Variants in ZNF804A observed in about 807,000 individuals in gnomAD.
The protein encoded by ZNF804A is zinc finger protein 804A.
Under a neutral mutation model 16.5 loss-of-function variants are expected in ZNF804A, and 2 were observed. The ratio of observed to expected loss-of-function variants is 0.12; its 90% CI spans 0.05 to 0.38. ZNF804A has a LOEUF of 0.38. ZNF804A is among the 10% of genes least tolerant of loss of function. The pLI, the probability that ZNF804A is intolerant of heterozygous loss-of-function variation, is 0.99. For missense variants in ZNF804A, 1,473 were observed against 1,390.7 expected (o/e 1.06, Z -0.94); for synonymous variants, 534 against 489.6 (o/e 1.09, Z -1.20).
intron 1 of ZNF804A, among the ~76,000 whole-genome samples, chr2:184,639,046 A>G (rs1193685995): frequency 7.0e-6 from 1 of 143,216 alleles, no homozygotes; most frequent in African/African-American, 2.6e-5. Flanking sequence ...TTCATGCATC[A>G]TCTTCTCTAG....
rs191019752 is a variant in ZNF804A at position 184,819,789 on chromosome 2, C to A, written c.112-46580C>A. 8.5e-5 allele frequency among the ~76,000 whole-genome samples: 13 copies of A among 152,084 alleles called. No individual in the cohort carries two copies. The East Asian group carries it at 2.5e-3, about 29-fold the overall frequency. ...CAACCATCACAGAATACTATAAACACCTCTATGCACATAAACTAGAAAATC... is the reference window on the plus strand; with the variant it reads ...CAACCATCACAGAATACTATAAACAACTCTATGCACATAAACTAGAAAATC... On this transcript the variant is annotated intron_variant, in intron 1 of 3. Transcript: ENST00000302277.
rs191048990 is a variant in ZNF804A, at chr2:184,854,591, T to A, written c.112-11778T>A. ...AAGAATAAAAGCATTCATGTTCATC[T>A]GTAGCACAAAAAGTCAAACTGAACA... On this transcript the variant is annotated intron_variant, in intron 1 of 3. Coordinates refer to ENST00000302277, the MANE Select transcript of ZNF804A (RefSeq NM_194250.2). Among the ~76,000 whole-genome samples, 133 of 152,168 alleles carry A rather than the reference T, an allele frequency of 8.7e-4. 1 individual carries two copies. Among genetic ancestry groups the A allele is most frequent in the Non-Finnish European group, 2.4e-4 (16 of 67,944 alleles).
chr2:184,644,918 T>C (rs78911677), intron 1 of ZNF804A, among the ~76,000 whole-genome samples: 2,663 of 152,196 alleles, frequency 0.017, 56 homozygotes, highest in African/African-American at 0.06. Context: ...TAAAAATCTG[T>C]CACAATTACC....
In ZNF804A at chr2:184,937,771, CAGA is replaced by C. The variant is rs1236776156; in HGVS notation, c.2380_2382del (p.Glu794del). 1 of 1,613,800 alleles carries C rather than the reference CAGA, an allele frequency of 6.2e-7. No homozygotes were observed. Among genetic ancestry groups the C allele is most frequent in the East Asian group, 2.2e-5 (1 of 44,874 alleles). ...AGTTTAAATCGACAGAATCATTTAC[CAGA>C]AGAATTTTTGAGGCCACCAAGTACT... On this transcript the variant is annotated inframe_deletion, in exon 4 of 4. Transcript: ENST00000302277.
intron 1 of ZNF804A, among the ~76,000 whole-genome samples, chr2:184,713,459 T>TA (rs985204439): frequency 6.6e-6 from 1 of 150,894 alleles, no homozygotes; most frequent in Non-Finnish European, 1.5e-5. Flanking sequence ...ATGAACCATC[T>TA]AAAAAAAAAG....
At chr2:184,653,222 G>A (rs1036764362) in intron 1 of ZNF804A, among the ~76,000 whole-genome samples, 3 of 152,014 alleles carry the variant, frequency 2.0e-5, no homozygotes, top group Admixed American at 2.0e-4. Flanking sequence ...CAACAACCAG[G>A]TGTTATTTAA....
rs779929990 is a variant in ZNF804A, at chr2:184,695,465, T to TAAAAAAA, written c.111+96416_111+96422dup. ...GGGCGACAGAGCGAGACTCCGTCAT[T>TAAAAAAA]AAAAAAAAAAAAAAAAAAAAAAAAA... On this transcript the variant is annotated intron_variant, in intron 1 of 3. Transcript: ENST00000302277. 7.1e-3 allele frequency among the ~76,000 whole-genome samples: 368 copies of TAAAAAAA among 51,786 alleles called. 25 individuals carry two copies. Among genetic ancestry groups the TAAAAAAA allele is most frequent in the African/African-American group, 0.033 (347 of 10,570 alleles). 34.0% of individuals were successfully genotyped at this position (51,786 alleles called of 152,430 possible). A position where few individuals can be genotyped will look rare whatever the true frequency, so the allele number is the denominator to read the frequency against.
chr2:184,903,254 C>T (rs1685215139), intron 2 of ZNF804A, among the ~76,000 whole-genome samples: 1 of 152,092 alleles, frequency 6.6e-6, no homozygotes, highest in African/African-American at 2.4e-5. Context: ...AAGATTACTT[C>T]AAAAATACAG....
intron 2 of ZNF804A, among the ~76,000 whole-genome samples, chr2:184,874,895 A>G (rs1200605549): frequency 2.0e-5 from 3 of 152,200 alleles, no homozygotes; most frequent in Non-Finnish European, 4.4e-5. Flanking sequence ...GCAAATCATT[A>G]TCTTAAGCTA....
chr2:184,773,344 G>T (rs1455511047), intron 1 of ZNF804A, among the ~76,000 whole-genome samples: 3 of 151,596 alleles, frequency 2.0e-5, no homozygotes, highest in Non-Finnish European at 2.9e-5. Flanking sequence ...ATAGAATAAT[G>T]CAAGTGGAAA....
intron 1 of ZNF804A, among the ~76,000 whole-genome samples, chr2:184,764,017 A>G (rs1345576949): frequency 6.6e-6 from 1 of 152,006 alleles, no homozygotes; most frequent in Non-Finnish European, 1.5e-5. Context: ...GAAAACAAGG[A>G]CTTATTATTC....
At chr2:184,756,633 C>T (rs1175504814) in intron 1 of ZNF804A, among the ~76,000 whole-genome samples, 5 of 152,012 alleles carry the variant, frequency 3.3e-5, no homozygotes, top group Admixed American at 3.3e-4. Context: ...CTAGTATGTG[C>T]ATATATTATT....
intron 3 of ZNF804A, 39 bp from the exon 4 acceptor site, chr2:184,935,739 TCAAAA>T (rs1574277824): frequency 6.7e-7 from 1 of 1,495,872 alleles, no homozygotes; most frequent in Non-Finnish European, 8.9e-7. Context: ...TTTTTTTTTC[TCAAAA>T]GTGTGCTATT....
chr2:184,814,305 C>T (rs894958406), intron 1 of ZNF804A, among the ~76,000 whole-genome samples: 1 of 151,890 alleles, frequency 6.6e-6, no homozygotes, highest in Admixed American at 6.6e-5. Context: ...AAGTCTCTAG[C>T]CTGAGAATTT....
At chr2:184,664,174 A>G (rs1441384176) in intron 1 of ZNF804A, among the ~76,000 whole-genome samples, 1 of 152,194 alleles carries the variant, frequency 6.6e-6, no homozygotes, top group African/African-American at 2.4e-5. Flanking sequence ...AAATGACACT[A>G]TTTGTATCAA....
At chr2:184,806,249 C>T (rs1398368040) in intron 1 of ZNF804A, among the ~76,000 whole-genome samples, 1 of 151,900 alleles carries the variant, frequency 6.6e-6, no homozygotes, top group African/African-American at 2.4e-5. Context: ...CTTCTGCTGG[C>T]AAAAATTTCA....
At chr2:184,763,863 C>T (rs1357319171) in intron 1 of ZNF804A, among the ~76,000 whole-genome samples, 3 of 151,614 alleles carry the variant, frequency 2.0e-5, no homozygotes, top group Non-Finnish European at 2.9e-5. Context: ...AAGATAGCCT[C>T]GATCTCCTGA....
At chr2:184,731,780 G>C (rs949960806) in intron 1 of ZNF804A, among the ~76,000 whole-genome samples, 1 of 151,884 alleles carries the variant, frequency 6.6e-6, no homozygotes, top group African/African-American at 2.4e-5. Context: ...TCTCTATGTA[G>C]TCCAGGCTGA....
chr2:184,606,998 T>C (rs1231933587), intron 1 of ZNF804A, among the ~76,000 whole-genome samples: 1 of 152,214 alleles, frequency 6.6e-6, no homozygotes, highest in Non-Finnish European at 1.5e-5. Flanking sequence ...TAATAGGAAA[T>C]AGATGCATTG....
Sources: allele counts gnomAD v4.1 joint callset (sites outside exome capture counted in the v4.1 genomes callset), GRCh38; gene constraint gnomAD v4.1.1; transcripts MANE v1.5; gene names NCBI Gene and HGNC (gene_info 2026-07-23, HGNC 2026-07-21).